The following IFT74 variants were observed in gnomAD, a reference collection of about 807,000 sequenced individuals.
IFT74 encodes intraflagellar transport protein 74 homolog.
Under a neutral mutation model 96.7 loss-of-function variants are expected in IFT74, and 92 were observed. That is an observed-to-expected ratio of 0.95 (90% CI 0.80 to 1.13). The LOEUF (loss-of-function observed/expected upper bound fraction) is 1.13, where lower values mean the gene tolerates loss of function less well. Ranked by LOEUF, IFT74 falls within the 50% of genes most tolerant of loss-of-function variation. The pLI is 0.00. For synonymous variants in IFT74, 223 were observed against 213.2 expected (o/e 1.05, Z -0.40); for missense variants, 811 against 698.2 (o/e 1.16, Z -1.82).
At position 26,990,120 on chromosome 9, in the gene IFT74, T is replaced by C; in HGVS notation, c.526-14T>C. The C allele has an allele frequency of 6.8e-7, 1 of 1,475,210 alleles. No homozygotes were observed. The allele number at this position is 1,475,210 out of a possible 1,614,324, so 91.4% of individuals were successfully genotyped here. ...TATTTATTTCTTACTAACTTATGTG[T>C]TAACTTTATTCAGCTTAAAGCTCAA... On this transcript the variant is annotated splice_polypyrimidine_tract_variant and intron_variant, in intron 7 of 19. Coordinates refer to ENST00000380062, the MANE Select transcript of IFT74 (RefSeq NM_025103.4).
intron 1 of IFT74, among the ~76,000 whole-genome samples, chr9:26,957,139 G>A (rs572779342): frequency 5.9e-5 from 9 of 152,258 alleles, no homozygotes; most frequent in African/African-American, 2.2e-4. Context: ...GTGAATAATT[G>A]GAAATTGTGT....
chr9:27,006,684 G>A (rs370292906), intron 8 of IFT74, among the ~76,000 whole-genome samples: 4 of 149,526 alleles, frequency 2.7e-5, no homozygotes, highest in Admixed American at 6.7e-5. Flanking sequence ...GGAGGAGGAA[G>A]GGAAGGAGGC....
intron 8 of IFT74, chr9:26,997,883 A>G: frequency 6.2e-7 from 1 of 1,614,184 alleles, no homozygotes; most frequent in Non-Finnish European, 8.5e-7. Flanking sequence ...CAGAAGTTTT[A>G]GGCTTCTTAG....
Position 27,006,906 on chromosome 9 carries a change from G to A in IFT74, c.588-2114G>A, listed in dbSNP as rs536328063. ...GGCTGGAGTGTAGTGGCGCAGTCTC[G>A]GCTCACTGCAAGCTCTGCCTCCCGG... On this transcript the variant is annotated intron_variant, in intron 8 of 19. Transcript: ENST00000380062. Among the ~76,000 whole-genome samples, 6 of 143,808 alleles carry A rather than the reference G, an allele frequency of 4.2e-5. No homozygotes were observed. The South Asian group carries it at 8.9e-4, about 21-fold the overall frequency. The allele number at this position is 143,808 out of a possible 152,430, so 94.3% of individuals were successfully genotyped here. A position where few individuals can be genotyped will look rare whatever the true frequency, so the allele number is the denominator to read the frequency against.
intron 14 of IFT74, among the ~76,000 whole-genome samples, chr9:27,046,239 C>T (rs1392901617): frequency 6.6e-6 from 1 of 152,104 alleles, no homozygotes; most frequent in Non-Finnish European, 1.5e-5. Flanking sequence ...TGAAGCAGGA[C>T]ATTAAAGAAA....
intron 9 of IFT74, among the ~76,000 whole-genome samples, chr9:27,010,146 C>T (rs1208366149): frequency 6.6e-6 from 1 of 151,912 alleles, no homozygotes; most frequent in Non-Finnish European, 1.5e-5. Context: ...CGCCACCACG[C>T]CCGGCTGATT....
chr9:27,005,349 A>G (rs1587335321), intron 8 of IFT74, among the ~76,000 whole-genome samples: 1 of 28,744 alleles, frequency 3.5e-5, no homozygotes, highest in African/African-American at 1.3e-4. Context: ...AGATGAAACC[A>G]TTTCCCCCCC....
chr9:27,027,351 C>T (rs1212349464), intron 12 of IFT74, among the ~76,000 whole-genome samples: 1 of 151,938 alleles, frequency 6.6e-6, no homozygotes, highest in African/African-American at 2.4e-5. Flanking sequence ...AGTCCAGGAC[C>T]AGATGGAGCC....
intron 13 of IFT74, among the ~76,000 whole-genome samples, chr9:27,037,669 G>A (rs1819266942): frequency 6.6e-6 from 1 of 152,214 alleles, no homozygotes; most frequent in African/African-American, 2.4e-5. Flanking sequence ...CTGGTGCTAT[G>A]TGGCAACACA....
intron 11 of IFT74, among the ~76,000 whole-genome samples, chr9:27,017,951 A>G (rs1829425554): frequency 1.3e-5 from 2 of 152,188 alleles, no homozygotes; most frequent in African/African-American, 4.8e-5. Flanking sequence ...TTAGACTTAG[A>G]TCAAGCCCAG....
At chr9:27,013,737 G>A (rs1240657913) in intron 10 of IFT74, among the ~76,000 whole-genome samples, 1 of 152,086 alleles carries the variant, frequency 6.6e-6, no homozygotes, top group South Asian at 2.1e-4. Flanking sequence ...TCAGTATACT[G>A]TCTGTATCTC....
At chr9:26,996,868 C>T (rs1037739120) in intron 8 of IFT74, among the ~76,000 whole-genome samples, 2 of 152,126 alleles carry the variant, frequency 1.3e-5, no homozygotes, top group African/African-American at 4.8e-5. Context: ...GACATATTGA[C>T]TTTGCTAACA....
Position 26,962,095 on chromosome 9 carries a change from T to A in IFT74, c.120+8T>A, listed in dbSNP as rs1826392159. 1 of 1,614,038 alleles carries A rather than the reference T, an allele frequency of 6.2e-7. No individual in the cohort carries two copies. The highest frequency in any genetic ancestry group is 8.5e-7 in the Non-Finnish European group (1 of 1,179,956). ...ATTCGAGTGGCAACTGCAGTAAGTT[T>A]GAAACAAATCTATTTACTTTGGGAG... is the stretch of plus-strand genomic sequence containing the variant. On this transcript the variant is annotated splice_region_variant and intron_variant, in intron 2 of 19. Coordinates refer to ENST00000380062, the MANE Select transcript of IFT74 (RefSeq NM_025103.4).
At chr9:26,999,231 A>T (rs1056121218) in intron 8 of IFT74, among the ~76,000 whole-genome samples, 13 of 152,160 alleles carry the variant, frequency 8.5e-5, no homozygotes, top group Non-Finnish European at 1.5e-4. Flanking sequence ...AATAAATAGA[A>T]CTAAGAATAG....
intron 2 of IFT74, among the ~76,000 whole-genome samples, chr9:26,969,106 G>A (rs1377617321): frequency 1.3e-5 from 2 of 151,890 alleles, no homozygotes; most frequent in Non-Finnish European, 2.9e-5. Context: ...GATATGTTGT[G>A]TTTCCATTGT....
intron 8 of IFT74, among the ~76,000 whole-genome samples, chr9:26,991,250 G>A (rs928402895): frequency 3.3e-5 from 5 of 152,142 alleles, no homozygotes; most frequent in Non-Finnish European, 7.4e-5. Flanking sequence ...TTTAAGTAGA[G>A]TTTTGCTCTG....
chr9:27,026,984 A>G (rs1829893614), intron 12 of IFT74, among the ~76,000 whole-genome samples: 1 of 152,162 alleles, frequency 6.6e-6, no homozygotes, highest in Non-Finnish European at 1.5e-5. Context: ...TCAGAGCAGA[A>G]CTAAATTAAA....
At chr9:27,051,357 A>C (rs1271697268) in intron 16 of IFT74, among the ~76,000 whole-genome samples, 1 of 152,158 alleles carries the variant, frequency 6.6e-6, no homozygotes, top group Non-Finnish European at 1.5e-5. Context: ...CTATATGCCA[A>C]GTAACTGGAG....
upstream of IFT74, among the ~76,000 whole-genome samples, chr9:26,954,303 G>T (rs1433113725): frequency 1.3e-5 from 2 of 152,216 alleles, no homozygotes; most frequent in Non-Finnish European, 2.9e-5. Context: ...CTAGTCATCA[G>T]TTATATCGTC....
Sources: allele counts gnomAD v4.1 joint callset (sites outside exome capture counted in the v4.1 genomes callset), GRCh38; gene constraint gnomAD v4.1.1; transcripts MANE v1.5; gene names NCBI Gene and HGNC (gene_info 2026-07-23, HGNC 2026-07-21).